NEBL: variants seen among roughly 807,000 people sequenced by gnomAD.
NEBL encodes nebulette.
NEBL carries 122 observed loss-of-function variants against 140.2 expected under a neutral mutation model. The ratio of observed to expected loss-of-function variants is 0.87; its 90% CI spans 0.75 to 1.01. NEBL has a LOEUF of 1.01. NEBL is among the 50% of genes least tolerant of loss of function. The pLI, the probability that NEBL is intolerant of heterozygous loss-of-function variation, is 0.00. For missense variants in NEBL, 1,365 were observed against 1,231.3 expected, an observed-to-expected ratio of 1.11 and a Z score of -1.62; for synonymous variants, 436 against 398.9, an observed-to-expected ratio of 1.09 and a Z score of -1.11.
chr10:21,029,448 G>A (rs1474459339), intron 2 of NEBL: 1 of 1,611,416 alleles, frequency 6.2e-7, no homozygotes, highest in African/African-American at 1.3e-5. Flanking sequence ...TGGATTCCCT[G>A]CTCAGTGCCC....
At position 20,860,616 on chromosome 10, in the gene NEBL, T is replaced by C. The variant is rs11012364; in HGVS notation, c.685-790A>G. On this transcript the variant is annotated intron_variant, in intron 7 of 27. Transcript: ENST00000377122. ...AGCTATTCACATGTCATACCCCCTT[T>C]AACTTACTGTAGCCAGGAAAGGGTG... Among the ~76,000 whole-genome samples, 32 of 148,296 alleles carry C rather than the reference T, an allele frequency of 2.2e-4. No homozygotes were observed. In the East Asian group the frequency reaches 6.0e-3, roughly 28 times the overall value.
intron 9 of NEBL, among the ~76,000 whole-genome samples, chr10:20,856,951 C>G (rs2131118056): frequency 6.6e-6 from 1 of 152,232 alleles, no homozygotes; most frequent in East Asian, 1.9e-4. Context: ...GCCTCAGTCT[C>G]CTGAGTAGCT....
chr10:20,815,647 T>G lies in NEBL; in HGVS notation c.2219A>C (p.Lys740Thr), dbSNP rs370953249. ...TGCCGAGCTAATATTTTCTTGATTC[T>G]TCTTCACTCTTTCCATTTCAGGAGT... Reference protein sequence around the residue: ...SVTPEMERVKKNQENISSVKY... With the variant: ...SVTPEMERVKTNQENISSVKY... Residue 740 changes from lysine to threonine, a missense_variant, in exon 22 of 28, where the codon AAG becomes ACG. Coordinates refer to ENST00000377122, the MANE Select transcript of NEBL (RefSeq NM_006393.3). The G allele has an allele frequency of 6.2e-7, 1 of 1,611,664 alleles. No individual in the cohort carries two copies. The highest frequency in any genetic ancestry group is 8.5e-7 in the Non-Finnish European group (1 of 1,177,848).
chr10:20,871,824 A>T (rs1384215171), intron 5 of NEBL, among the ~76,000 whole-genome samples: 1 of 151,580 alleles, frequency 6.6e-6, no homozygotes, highest in Admixed American at 6.6e-5. Context: ...ATCTTTAGGG[A>T]TTTTTTTTTA....
chr10:20,828,132 G>A (rs1840068609), intron 17 of NEBL, among the ~76,000 whole-genome samples: 1 of 151,704 alleles, frequency 6.6e-6, no homozygotes, highest in Non-Finnish European at 1.5e-5. Context: ...AAATATAGAA[G>A]TTTAGAAATT....
chr10:21,119,330 T>C lies in NEBL; in HGVS notation c.164+53053A>G, dbSNP rs140337415. On this transcript the variant is annotated intron_variant, in intron 2 of 6. Coordinates refer to the NEBL transcript ENST00000417816. Reference sequence around the variant, plus strand: ...ACTAGTGTGATGAAGATACCCTTCATCTAGATTCACCAATCACCAACATTT... The same window carrying C: ...ACTAGTGTGATGAAGATACCCTTCACCTAGATTCACCAATCACCAACATTT... Among the ~76,000 whole-genome samples, 449 of 152,126 alleles carry C rather than the reference T, an allele frequency of 3.0e-3. 2 individuals are homozygous for C. Among genetic ancestry groups the C allele is most frequent in the African/African-American group, 0.01 (424 of 41,552 alleles).
intron 2 of NEBL, among the ~76,000 whole-genome samples, chr10:21,062,521 T>C (rs899232934): frequency 1.3e-5 from 2 of 151,272 alleles, no homozygotes; most frequent in Non-Finnish European, 2.9e-5. Context: ...AAATAAAAAA[T>C]AAAAATAAAA....
At chr10:21,084,268 A>G (rs1198867421) in intron 2 of NEBL, among the ~76,000 whole-genome samples, 3 of 152,240 alleles carry the variant, frequency 2.0e-5, no homozygotes, top group Non-Finnish European at 4.4e-5. Context: ...GCAGCTATAC[A>G]TACATTGTTG....
intron 3 of NEBL, among the ~76,000 whole-genome samples, chr10:21,223,959 A>G (rs1181607646): frequency 6.6e-6 from 1 of 152,088 alleles, no homozygotes; most frequent in Admixed American, 6.5e-5. Context: ...CAGTTTGCAA[A>G]TATTTTCTCC....
chr10:21,146,075 A>G (rs1839877852), intron 2 of NEBL, among the ~76,000 whole-genome samples: 1 of 152,084 alleles, frequency 6.6e-6, no homozygotes, highest in South Asian at 2.1e-4. Context: ...GCCAGGCACC[A>G]TGAATAGGGA....
intron 7 of NEBL, among the ~76,000 whole-genome samples, chr10:20,861,876 G>A (rs772890840): frequency 7.9e-5 from 12 of 152,056 alleles, no homozygotes; most frequent in East Asian, 1.9e-4. Flanking sequence ...TAAACCCACC[G>A]TAAGTTAAAA....
intron 4 of NEBL, among the ~76,000 whole-genome samples, chr10:20,884,950 C>T (rs979764627): frequency 5.3e-5 from 8 of 152,230 alleles, no homozygotes; most frequent in Non-Finnish European, 1.0e-4. Context: ...CTACATCTCT[C>T]TCTCTTTTTC....
intron 2 of NEBL, among the ~76,000 whole-genome samples, chr10:21,032,003 C>G (rs1833821056): frequency 6.6e-6 from 1 of 152,116 alleles, no homozygotes; most frequent in African/African-American, 2.4e-5. Flanking sequence ...ACTCAAAACT[C>G]AAAAACTCAA....
In NEBL at chr10:21,153,481, CACT is replaced by C. The variant is rs529557414; in HGVS notation, c.164+18899_164+18901del. On this transcript the variant is annotated intron_variant, in intron 2 of 6. Transcript: ENST00000417816. ...AATAGCTGGGATTACAGGTGCCCAC[CACT>C]ACACCTGGCTAATTTTTTATATATA... 6.7e-4 allele frequency among the ~76,000 whole-genome samples: 101 copies of C among 151,482 alleles called. No individual in the cohort carries two copies. The Middle Eastern group carries it at 0.01, about 16-fold the overall frequency.
chr10:21,078,404 AG>A (rs2131927087), intron 2 of NEBL, among the ~76,000 whole-genome samples: 1 of 152,368 alleles, frequency 6.6e-6, no homozygotes, highest in South Asian at 2.1e-4. Context: ...AAAAACAAAA[AG>A]GTTACAGACT....
At chr10:20,975,803 T>G (rs1836769479) in intron 3 of NEBL, among the ~76,000 whole-genome samples, 1 of 152,138 alleles carries the variant, frequency 6.6e-6, no homozygotes, top group Non-Finnish European at 1.5e-5. Context: ...CTGAGGTAGC[T>G]GCCAAAGGAA....
chr10:20,897,576 G>C, upstream of NEBL: 4 of 1,039,508 alleles, frequency 3.8e-6, no homozygotes, highest in Non-Finnish European at 4.6e-6. Context: ...GAGATTCTGG[G>C]AAAACTACTC....
At chr10:21,137,358 C>G (rs1439013818) in intron 2 of NEBL, among the ~76,000 whole-genome samples, 1 of 152,198 alleles carries the variant, frequency 6.6e-6, no homozygotes, top group African/African-American at 2.4e-5. Flanking sequence ...CACAGCTATT[C>G]TTGCATGCTT....
chr10:20,860,954 T>C (rs944466450), intron 7 of NEBL, among the ~76,000 whole-genome samples: 1 of 152,188 alleles, frequency 6.6e-6, no homozygotes, highest in Non-Finnish European at 1.5e-5. Context: ...CAGGGAATAT[T>C]TTCTGTTCTG....
Sources: allele counts gnomAD v4.1 joint callset (sites outside exome capture counted in the v4.1 genomes callset), GRCh38; gene constraint gnomAD v4.1.1; transcripts MANE v1.5; gene names NCBI Gene and HGNC (gene_info 2026-07-23, HGNC 2026-07-21).